SPEF2: variants seen among roughly 807,000 people sequenced by gnomAD.
The protein encoded by SPEF2 is sperm flagella and cilia-associated protein 2.
In SPEF2, 187 loss-of-function variants were observed where a neutral mutation model predicts 224.6. The observed-to-expected ratio is 0.83, with a 90% CI of 0.74 to 0.94. The LOEUF is 0.94. Ranked by LOEUF, SPEF2 falls within the 40% of genes least tolerant of loss-of-function variation. The probability of loss-of-function intolerance (pLI) is 0.00; values close to 1 mark genes in which losing one functional copy is unlikely to be tolerated. For synonymous variants in SPEF2, 715 were observed against 707.3 expected, an observed-to-expected ratio of 1.01 and a Z score of -0.17; for missense variants, 2,170 against 2,135.6, an observed-to-expected ratio of 1.02 and a Z score of -0.32.
chr5:35,695,685 G>T (rs1561211848), intron 13 of SPEF2, 50 bp from the exon 14 acceptor site: 1 of 1,457,266 alleles, frequency 6.9e-7, no homozygotes, highest in East Asian at 2.3e-5. Flanking sequence ...TGCTTTGGTT[G>T]TTAGGTGTAA....
intron 2 of SPEF2, among the ~76,000 whole-genome samples, chr5:35,632,357 G>T (rs760814195): frequency 6.6e-5 from 10 of 152,184 alleles, no homozygotes; most frequent in Non-Finnish European, 1.2e-4. Flanking sequence ...GGAGAGAGAA[G>T]AGTGAGTAGC....
chr5:35,744,876 T>A (rs956441639), intron 23 of SPEF2, among the ~76,000 whole-genome samples: 2 of 152,112 alleles, frequency 1.3e-5, no homozygotes, highest in Admixed American at 6.6e-5. Context: ...CCAGATCAAC[T>A]GCAAGAACAA....
intron 20 of SPEF2, among the ~76,000 whole-genome samples, chr5:35,718,160 T>C (rs6451211): frequency 1.3e-5 from 2 of 151,994 alleles, no homozygotes; most frequent in Non-Finnish European, 2.9e-5. Flanking sequence ...AAACCCCAAC[T>C]GGTTAAAAAA....
chr5:35,619,030 C>G (rs1261678613), intron 1 of SPEF2, among the ~76,000 whole-genome samples: 1 of 152,182 alleles, frequency 6.6e-6, no homozygotes, highest in African/African-American at 2.4e-5. Context: ...GGTAGTGTTT[C>G]TGTGGGTGCA....
intron 23 of SPEF2, 64 bp downstream of exon 23, chr5:35,740,331 C>G: frequency 1.3e-6 from 2 of 1,587,230 alleles, no homozygotes; most frequent in South Asian, 2.2e-5. Flanking sequence ...CTGCAAAACC[C>G]CAACTCATTT....
intron 20 of SPEF2, among the ~76,000 whole-genome samples, chr5:35,714,236 C>T (rs10067994): frequency 0.62 from 62,961 of 100,952 alleles, 21,799 homozygotes; most frequent in Middle Eastern, 0.76. Flanking sequence ...TGAGTTTCTT[C>T]AGAGAATTTT....
intron 33 of SPEF2, among the ~76,000 whole-genome samples, chr5:35,797,063 C>A (rs143965891): frequency 0.02 from 3,071 of 152,288 alleles, 77 homozygotes; most frequent in South Asian, 0.054. Flanking sequence ...AAGCAACTGG[C>A]AGTTTGAATA....
intron 29 of SPEF2, among the ~76,000 whole-genome samples, chr5:35,777,887 C>T (rs575339476): frequency 3.3e-5 from 5 of 152,012 alleles, no homozygotes; most frequent in African/African-American, 1.2e-4. Context: ...AGTATCGTGC[C>T]GGGCTATGGT....
At chr5:35,722,606 G>A (rs1181367239) in intron 20 of SPEF2, among the ~76,000 whole-genome samples, 1 of 144,296 alleles carries the variant, frequency 6.9e-6, no homozygotes, top group Non-Finnish European at 1.5e-5. Context: ...TCTAGCATTA[G>A]GTATATCTCC....
intron 20 of SPEF2, among the ~76,000 whole-genome samples, chr5:35,715,107 G>A (rs1448103879): frequency 6.6e-6 from 1 of 151,938 alleles, no homozygotes; most frequent in Admixed American, 6.6e-5. Flanking sequence ...TGTAGAGATG[G>A]GGTTTCAGCA....
chr5:35,671,496 T>C, intron 10 of SPEF2: 4 of 865,892 alleles, frequency 4.6e-6, no homozygotes, highest in Non-Finnish European at 5.4e-6. Context: ...TAATGCCATG[T>C]AAGAAAATGC....
intron 26 of SPEF2, among the ~76,000 whole-genome samples, chr5:35,767,654 A>G (rs1414861746): frequency 6.6e-6 from 1 of 152,156 alleles, no homozygotes; most frequent in Admixed American, 6.6e-5. Flanking sequence ...CAATACAAAT[A>G]GAAAGTACAG....
intron 26 of SPEF2, among the ~76,000 whole-genome samples, chr5:35,769,258 C>T (rs1007209338): frequency 1.4e-4 from 22 of 151,846 alleles, no homozygotes; most frequent in African/African-American, 4.3e-4. Context: ...TTGCAGGAAC[C>T]GATTAAAAAT....
intron 23 of SPEF2, among the ~76,000 whole-genome samples, chr5:35,751,025 G>GTATATATA (rs1229060564): frequency 0.016 from 1,094 of 68,366 alleles, 35 homozygotes; most frequent in Non-Finnish European, 0.018. Flanking sequence ...ATATATATAC[G>GTATATATA]TATATATATA....
intron 10 of SPEF2, among the ~76,000 whole-genome samples, chr5:35,687,325 C>T (rs1753767672): frequency 6.6e-6 from 1 of 152,084 alleles, no homozygotes; most frequent in South Asian, 2.1e-4. Context: ...AATATTCTGT[C>T]CCTGCAACTC....
intron 14 of SPEF2, among the ~76,000 whole-genome samples, chr5:35,697,328 G>T (rs1397233240): frequency 1.3e-5 from 2 of 152,172 alleles, no homozygotes; most frequent in Non-Finnish European, 2.9e-5. Flanking sequence ...GAACTTCACT[G>T]GTCAAGGGCC....
intron 27 of SPEF2, among the ~76,000 whole-genome samples, chr5:35,771,961 T>G (rs1752916763): frequency 6.6e-6 from 1 of 152,302 alleles, no homozygotes; most frequent in East Asian, 1.9e-4. Flanking sequence ...TTTAACCAAA[T>G]AGCCAGATGT....
intron 1 of SPEF2, among the ~76,000 whole-genome samples, chr5:35,627,900 A>C (rs142833187): frequency 6.6e-6 from 1 of 152,310 alleles, no homozygotes; most frequent in African/African-American, 2.4e-5. Context: ...GTAATTGCAT[A>C]GGACAATAAC....
chr5:35,748,931 T>G (rs1748980433), intron 23 of SPEF2, among the ~76,000 whole-genome samples: 1 of 152,110 alleles, frequency 6.6e-6, no homozygotes, highest in African/African-American at 2.4e-5. Flanking sequence ...GCTAAAATCC[T>G]TAACAAAATA....
Sources: gnomAD v4.1 joint callset for allele counts (sites outside exome capture counted in the v4.1 genomes callset) on GRCh38, gnomAD v4.1.1 for gene constraint, MANE v1.5 for transcripts, NCBI Gene and HGNC (gene_info 2026-07-23, HGNC 2026-07-21) for gene names.